The following NOL6 variants were observed in gnomAD, a reference collection of about 807,000 sequenced individuals.
The protein encoded by NOL6 is nucleolar RNA-associated protein.
In NOL6, 33 loss-of-function variants were observed where a neutral mutation model predicts 131.7. The observed-to-expected ratio is 0.25, with a 90% CI of 0.19 to 0.33. NOL6 has a LOEUF of 0.33. Ranked by LOEUF, NOL6 falls within the 10% of genes least tolerant of loss-of-function variation. NOL6 has a pLI of 1.00. For missense variants in NOL6, 1,297 were observed against 1,494.5 expected (o/e 0.87, Z 2.18); for synonymous variants, 580 against 605.7 (o/e 0.96, Z 0.62).
At chr9:33,472,437 T>C (rs1313005087) in intron 1 of NOL6, 25 bp from the exon 2 acceptor site, 1 of 1,596,794 alleles carries the variant, frequency 6.3e-7, no homozygotes, top group East Asian at 2.2e-5. Context: ...GGAGAAGCCA[T>C]TTTGAGGTAA....
chr9:33,467,540 C>T lies in NOL6; in HGVS notation c.1603-24G>A. 4.3e-6 allele frequency: 7 copies of T among 1,613,244 alleles called. No homozygotes were observed. Among genetic ancestry groups the T allele is most frequent in the Non-Finnish European group, 4.2e-6 (5 of 1,179,342 alleles). On this transcript the variant is annotated intron_variant, in intron 12 of 25. Transcript: ENST00000297990. This position sits in a 1 kb window ranked among gnomAD's most constrained non-coding sequence, Gnocchi z 4.4. The stretch of plus-strand genomic sequence containing the variant: ...CACTGCAGGATTTCAAAAGGCTGAG[C>T]TCAGTCCTCCAATCCTCCAGCCTGG...
chr9:33,465,910 G>A lies in NOL6; in HGVS notation c.2365-13C>T. The A allele has an allele frequency of 6.2e-7, 1 of 1,611,562 alleles. No individual in the cohort carries two copies. Among genetic ancestry groups the A allele is most frequent in the Non-Finnish European group, 8.5e-7 (1 of 1,178,048 alleles). ...ACACAAATCCATCCTGTTGGAAGAA[G>A]GTATGGAAAGAGAAGGATGTGTCAG... On this transcript the variant is annotated splice_polypyrimidine_tract_variant and intron_variant, in intron 18 of 25. Coordinates refer to ENST00000297990, the MANE Select transcript of NOL6 (RefSeq NM_022917.5).
In NOL6 at chr9:33,468,762, C is replaced by A. The variant is rs1268129571; in HGVS notation, c.1137G>T (p.Leu379Phe). Residue 379 changes from leucine (L) to phenylalanine (F), a missense_variant, in exon 8 of 26, where the codon TTG becomes TTT. Physicochemically the swap from Leu to Phe is conservative, Grantham distance 22 (BLOSUM62 0). Transcript: ENST00000297990. ...MSGYQVLRSVLQFLATTDLTV... is the reference protein window; with the variant it reads ...MSGYQVLRSVFQFLATTDLTV... ...ACCTAGTTGCCTCACCCAGAAACTG[C>A]AAGACACTTCTCAGGACCTGGTAGC... The A allele has an allele frequency of 6.2e-7, 1 of 1,614,046 alleles. No individual in the cohort carries two copies. Among genetic ancestry groups the A allele is most frequent in the Non-Finnish European group, 8.5e-7 (1 of 1,180,030 alleles).
rs1161481757 is a variant in NOL6 at position 33,469,270 on chromosome 9, A to G, written c.799T>C (p.Leu267=). ...PPPDFFRPCR[L]LPTKNNVRSA... ...CGCACATTGTTCTTGGTTGGCAGCAAGCGGCACGGGCGGAAGAAGTCAGGT... is the reference window on the plus strand; with the variant it reads ...CGCACATTGTTCTTGGTTGGCAGCAGGCGGCACGGGCGGAAGAAGTCAGGT... Residue 267 remains leucine (L), a synonymous_variant, in exon 6 of 26, where the codon TTG becomes CTG. Transcript: ENST00000297990. 7 of 1,614,052 alleles carry G rather than the reference A, an allele frequency of 4.3e-6. No individual in the cohort carries two copies. The African/African-American group carries it at 9.3e-5, about 22-fold the overall frequency.
chr9:33,465,893 C>A lies in NOL6; in HGVS notation c.2369G>T (p.Gly790Val). Residue 790 changes from glycine to valine, a missense_variant, in exon 19 of 26, where the codon GGA (glycine) becomes GTA (valine). Gly to Val is a moderately radical substitution (Grantham distance 109). Transcript: ENST00000297990. ...GGCCACGCGAATCCGAAACACAAAT[C>A]CATCCTGTTGGAAGAAGGTATGGAA... ...TATHTDVLKD[G>V]FVFRIRVAYQ... The A allele has an allele frequency of 6.2e-7, 1 of 1,613,642 alleles. No homozygotes were observed. Among genetic ancestry groups the A allele is most frequent in the Non-Finnish European group, 8.5e-7 (1 of 1,179,644 alleles).
At chr9:33,462,975 T>C in intron 25 of NOL6, 58 bp downstream of exon 25, 2 of 1,554,796 alleles carry the variant, frequency 1.3e-6, no homozygotes, top group Non-Finnish European at 1.8e-6. Flanking sequence ...CAGACATGCA[T>C]GCCCACACAG....
At position 33,463,860 on chromosome 9, in the gene NOL6, T is replaced by C. The variant is rs758465557; in HGVS notation, c.2965A>G (p.Met989Val). Residue 989 changes from methionine to valine, a missense_variant, in exon 23 of 26, where the codon ATG becomes GTG. Met to Val is a conservative substitution (Grantham distance 21). Transcript: ENST00000297990. ...EALPMLEKQLMDPRGPGDIRT... is the reference protein window; with the variant it reads ...EALPMLEKQLVDPRGPGDIRT... ...ATGTCCCCAGGTCCCCGGGGATCCA[T>C]GAGCTGCTTCTCTAACATGGGCAGG... 6.2e-7 allele frequency: 1 copy of C among 1,614,052 alleles called. No individual in the cohort carries two copies. The highest frequency in any genetic ancestry group is 8.5e-7 in the Non-Finnish European group (1 of 1,179,946).
At chr9:33,463,003 C>G in intron 25 of NOL6, 30 bp downstream of exon 25, 1 of 1,599,952 alleles carries the variant, frequency 6.3e-7, no homozygotes, top group Non-Finnish European at 8.5e-7. Flanking sequence ...TGCACACACT[C>G]AGGAACACAG....
chr9:33,467,398 G>A lies in NOL6; in HGVS notation c.1721C>T (p.Pro574Leu). 4 of 1,614,118 alleles carry A rather than the reference G, an allele frequency of 2.5e-6. 1 individual carries two copies. In the South Asian group the frequency reaches 4.4e-5, roughly 18 times the overall value. The change falls in exon 13 of 26, where the codon CCT becomes CTT. Residue 574 changes from proline (P) to leucine (L), a missense_variant. Coordinates refer to ENST00000297990, the MANE Select transcript of NOL6 (RefSeq NM_022917.5). This position sits in a 1 kb window ranked among gnomAD's most constrained non-coding sequence, Gnocchi z 4.4. ...VLELGPEADQ[P>L]EAAKFRQFWG... ...GTACATGCTGGGGTCCCCCACCTCA[G>A]GCTGGTCTGCCTCTGGACCCAGCTC...
At chr9:33,470,382 T>G (rs1827375852) in intron 3 of NOL6, 191 bp from the exon 4 acceptor site, 2 of 447,798 alleles carry the variant, frequency 4.5e-6, no homozygotes, top group African/African-American at 4.1e-5. Context: ...TCACCTTAAC[T>G]TAGCTCTGTT....
At chr9:33,464,239 T>C in intron 21 of NOL6, 78 bp from the exon 22 acceptor site, 1 of 1,497,094 alleles carries the variant, frequency 6.7e-7, no homozygotes, top group Non-Finnish European at 9.0e-7. Context: ...CCTCCTACGG[T>C]GCCCCCAACG....
chr9:33,468,176 C>T (rs1355853745), intron 10 of NOL6, 31 bp from the exon 11 acceptor site: 1 of 1,614,084 alleles, frequency 6.2e-7, no homozygotes, highest in Non-Finnish European at 8.5e-7. Context: ...ATCCCTGTGC[C>T]CTTCATTGAT....
At position 33,467,492 on chromosome 9, in the gene NOL6, T is replaced by TTGG. The variant is rs769299705; in HGVS notation, c.1624_1626dup (p.Pro542dup). Reference sequence around the variant, plus strand: ...GTCAGGGTCCCAGAGTCTTTGTGCTTTGGTGGATCTTGGCTGATGTCCCAC... The same window carrying TTGG: ...GTCAGGGTCCCAGAGTCTTTGTGCTTTGGTGGTGGATCTTGGCTGATGTCCCAC... On this transcript the variant is annotated inframe_insertion, in exon 13 of 26. Coordinates refer to ENST00000297990, the MANE Select transcript of NOL6 (RefSeq NM_022917.5). This position sits in a 1 kb window ranked among gnomAD's most constrained non-coding sequence, Gnocchi z 4.4. 1.2e-6 allele frequency: 2 copies of TTGG among 1,614,160 alleles called. No homozygotes were observed. The highest frequency in any genetic ancestry group is 3.3e-5 in the Admixed American group (2 of 60,024).
At position 33,468,147 on chromosome 9, in the gene NOL6, T is replaced by C. The variant is rs1468693729; in HGVS notation, c.1309-2A>G. The C allele has an allele frequency of 1.2e-6, 2 of 1,614,082 alleles. No homozygotes were observed. Among genetic ancestry groups the C allele is most frequent in the African/African-American group, 1.3e-5 (1 of 74,932 alleles). On this transcript the variant is annotated splice_acceptor_variant, in intron 10 of 25. Transcript: ENST00000297990. LOFTEE classifies it high-confidence loss of function. ...AGACAGCCGTGCCTCATGCTGTACC[T>C]GGAGCCACAGAAGGGACCATCCCTG...
intron 21 of NOL6, among the ~76,000 whole-genome samples, chr9:33,464,547 C>T (rs1309905449): frequency 6.6e-6 from 1 of 152,134 alleles, no homozygotes; most frequent in African/African-American, 2.4e-5. Context: ...ACTCCCACCC[C>T]CACCAAGAGG....
rs1441085027 is a variant in NOL6, at chr9:33,468,068, A to G, written c.1386T>C (p.Thr462=). 2.5e-6 allele frequency: 4 copies of G among 1,614,110 alleles called. No homozygotes were observed. The highest frequency in any genetic ancestry group is 3.4e-6 in the Non-Finnish European group (4 of 1,180,022). Residue 462 remains threonine (T), a synonymous_variant, in exon 11 of 26, where the codon ACT becomes ACC. Coordinates refer to ENST00000297990, the MANE Select transcript of NOL6 (RefSeq NM_022917.5). ...ADDGFHLLLM[T]PKPMIRAFDH... ...CAAAAGCCCGGATCATGGGTTTGGG[A>G]GTCATCAACAGCAGGTGGAACCCGT...
chr9:33,465,896 T>C lies in NOL6; in HGVS notation c.2366A>G (p.Asp789Gly), dbSNP rs370743561. 9 of 1,613,116 alleles carry C rather than the reference T, an allele frequency of 5.6e-6. No individual in the cohort carries two copies. The Middle Eastern group carries it at 4.9e-4, about 88-fold the overall frequency. ...ATATHTDVLK[D>G]GFVFRIRVAY... is the part of the protein sequence containing the mutation. ...CACGCGAATCCGAAACACAAATCCA[T>C]CCTGTTGGAAGAAGGTATGGAAAGA... Residue 789 changes from aspartate (D) to glycine (G), a missense_variant and splice_region_variant, in exon 19 of 26, where the codon GAT (aspartate) becomes GGT (glycine). Coordinates refer to ENST00000297990, the MANE Select transcript of NOL6 (RefSeq NM_022917.5).
At chr9:33,465,146 C>T (rs563290257) in intron 20 of NOL6, 61 bp downstream of exon 20, 73 of 1,547,418 alleles carry the variant, frequency 4.7e-5, no homozygotes, top group South Asian at 2.4e-4. Context: ...GGGTGCAGCA[C>T]GAAGGATGAT....
chr9:33,471,741 A>ATG (rs1177000305), intron 3 of NOL6, among the ~76,000 whole-genome samples: 1 of 152,246 alleles, frequency 6.6e-6, no homozygotes, highest in African/African-American at 2.4e-5. Flanking sequence ...TTTACCTGTT[A>ATG]TGCTTATCTA....
Sources: allele counts gnomAD v4.1 joint callset (sites outside exome capture counted in the v4.1 genomes callset), GRCh38; gene constraint gnomAD v4.1.1; non-coding constraint Gnocchi (gnomAD v3.1); transcripts MANE v1.5; gene names NCBI Gene and HGNC (gene_info 2026-07-23, HGNC 2026-07-21).